Variants in GRIN2A observed in about 807,000 individuals in gnomAD.
The protein encoded by GRIN2A is glutamate receptor ionotropic, NMDA 2A.
A neutral mutation model predicts 113.4 loss-of-function variants in GRIN2A; 22 were observed. The ratio of observed to expected loss-of-function variants is 0.19; its 90% CI spans 0.14 to 0.28. The LOEUF (loss-of-function observed/expected upper bound fraction) is 0.28, where lower values mean the gene tolerates loss of function less well. GRIN2A is among the 10% of genes least tolerant of loss of function. The pLI is 1.00. For missense variants in GRIN2A, 1,502 were observed against 1,887.0 expected, an observed-to-expected ratio of 0.80 and a Z score of 3.78; for synonymous variants, 827 against 738.4, an observed-to-expected ratio of 1.12 and a Z score of -1.94.
intron 2 of GRIN2A, among the ~76,000 whole-genome samples, chr16:10,052,273 C>A (rs2047372151): frequency 6.6e-6 from 1 of 152,256 alleles, no homozygotes; most frequent in African/African-American, 2.4e-5. Flanking sequence ...GAGCTGATCA[C>A]ATTTAATCTT....
chr16:9,949,834 TAAAC>T (rs755349655), intron 2 of GRIN2A, among the ~76,000 whole-genome samples: 5 of 151,844 alleles, frequency 3.3e-5, no homozygotes, highest in African/African-American at 1.2e-4. Flanking sequence ...ATTGAAGAAA[TAAAC>T]GAACATCCAG....
At chr16:10,005,554 C>T (rs946700123) in intron 2 of GRIN2A, among the ~76,000 whole-genome samples, 1 of 152,152 alleles carries the variant, frequency 6.6e-6, no homozygotes, top group Non-Finnish European at 1.5e-5. Flanking sequence ...GGGGTCCACG[C>T]CCTACCTGGA....
At position 9,760,374 on chromosome 16, in the gene GRIN2A, A is replaced by ATTTTTTTTTTTTTT. The variant is rs35189803; in HGVS notation, c.*2761_*2774dup. Reference sequence around the variant, plus strand: ...AAATTGACCATCTGATCAGTAGTTGATTTTTTTTTTTTTTTTTTTTTTTTG... The same window carrying ATTTTTTTTTTTTTT: ...AAATTGACCATCTGATCAGTAGTTGATTTTTTTTTTTTTTTTTTTTTTTTTTTTTTTTTTTTTTG... On this transcript the variant is annotated 3_prime_UTR_variant, in exon 13 of 13. Transcript: ENST00000330684. 1.4e-4 allele frequency: 13 copies of ATTTTTTTTTTTTTT among 94,062 alleles called. 1 individual carries two copies. Among genetic ancestry groups the ATTTTTTTTTTTTTT allele is most frequent in the Admixed American group, 3.7e-4 (2 of 5,400 alleles). 5.8% of individuals were successfully genotyped at this position (94,062 alleles called of 1,614,324 possible).
At chr16:9,981,856 T>C (rs1372922316) in intron 2 of GRIN2A, among the ~76,000 whole-genome samples, 1 of 152,168 alleles carries the variant, frequency 6.6e-6, no homozygotes, top group Non-Finnish European at 1.5e-5. Context: ...GTGTGATCTC[T>C]GCTCACTGCA....
intron 2 of GRIN2A, among the ~76,000 whole-genome samples, chr16:10,118,977 C>T (rs1368199655): frequency 6.6e-6 from 1 of 152,144 alleles, no homozygotes; most frequent in Non-Finnish European, 1.5e-5. Context: ...AAAGAAAAGA[C>T]AGTGAGATTT....
chr16:10,144,345 C>A (rs1396901620), intron 2 of GRIN2A, among the ~76,000 whole-genome samples: 1 of 152,164 alleles, frequency 6.6e-6, no homozygotes, highest in African/African-American at 2.4e-5. Flanking sequence ...TAATAGCCAT[C>A]CTAACAGGTG....
intron 3 of GRIN2A, among the ~76,000 whole-genome samples, chr16:9,897,404 T>C (rs2043827969): frequency 1.3e-5 from 2 of 152,066 alleles, no homozygotes; most frequent in Admixed American, 1.3e-4. Context: ...ATATTTCCTA[T>C]ATTTCCTATA....
At chr16:10,144,053 C>T (rs1000660168) in intron 2 of GRIN2A, among the ~76,000 whole-genome samples, 1 of 152,026 alleles carries the variant, frequency 6.6e-6, no homozygotes, top group Non-Finnish European at 1.5e-5. Context: ...CATGAGGGTA[C>T]AGATATTTCT....
At chr16:9,908,562 C>T (rs9938172) in intron 3 of GRIN2A, among the ~76,000 whole-genome samples, 59,076 of 151,604 alleles carry the variant, frequency 0.39, 12,416 homozygotes, top group African/African-American at 0.52. Flanking sequence ...GAAGAGAAGT[C>T]AAAGAGAAGA....
At chr16:9,962,049 G>A (rs1221015489) in intron 2 of GRIN2A, among the ~76,000 whole-genome samples, 1 of 152,168 alleles carries the variant, frequency 6.6e-6, no homozygotes, top group African/African-American at 2.4e-5. Flanking sequence ...TGGGAAAACT[G>A]CCTAGCCATA....
chr16:9,837,019 G>T (rs912334821), intron 7 of GRIN2A, among the ~76,000 whole-genome samples: 6 of 152,206 alleles, frequency 3.9e-5, no homozygotes, highest in Admixed American at 3.3e-4. Context: ...GGCATTACCT[G>T]CAAGTGCTTC....
chr16:10,142,456 G>A (rs2049346543), intron 2 of GRIN2A, among the ~76,000 whole-genome samples: 1 of 152,204 alleles, frequency 6.6e-6, no homozygotes. Flanking sequence ...CAACACTTTG[G>A]GAGGTCAAGG....
chr16:10,093,867 A>G (rs1015952354), intron 2 of GRIN2A, among the ~76,000 whole-genome samples: 6 of 152,182 alleles, frequency 3.9e-5, no homozygotes, highest in African/African-American at 1.4e-4. Context: ...ACCGTAGGGA[A>G]GAGATTGTCT....
chr16:9,974,057 T>C (rs920116569), intron 2 of GRIN2A, among the ~76,000 whole-genome samples: 3 of 152,214 alleles, frequency 2.0e-5, no homozygotes, highest in African/African-American at 4.8e-5. Flanking sequence ...TACATATGCA[T>C]GTGACTATTT....
chr16:10,125,952 G>A (rs1048159883), intron 2 of GRIN2A, among the ~76,000 whole-genome samples: 63 of 152,202 alleles, frequency 4.1e-4, no homozygotes, highest in African/African-American at 1.3e-3. Flanking sequence ...TGGGGGCCAG[G>A]AGGTGGGAGA....
At chr16:9,939,899 G>C (rs2044821194) in intron 2 of GRIN2A, among the ~76,000 whole-genome samples, 1 of 152,044 alleles carries the variant, frequency 6.6e-6, no homozygotes, top group Non-Finnish European at 1.5e-5. Flanking sequence ...TTCTTTCAGG[G>C]AACTGAAAGA....
chr16:9,956,584 G>C (rs1259841629), intron 2 of GRIN2A, among the ~76,000 whole-genome samples: 1 of 152,256 alleles, frequency 6.6e-6, no homozygotes, highest in East Asian at 1.9e-4. Flanking sequence ...TGAAGGCTGA[G>C]AATCCAGTAG....
At chr16:10,020,772 A>G (rs2046705246) in intron 2 of GRIN2A, among the ~76,000 whole-genome samples, 1 of 152,212 alleles carries the variant, frequency 6.6e-6, no homozygotes, top group Non-Finnish European at 1.5e-5. Context: ...TAAGAGCTCA[A>G]TAAAAAGCAT....
At chr16:10,154,063 A>G (rs1223087269) in intron 2 of GRIN2A, among the ~76,000 whole-genome samples, 1 of 152,132 alleles carries the variant, frequency 6.6e-6, no homozygotes, top group African/African-American at 2.4e-5. Context: ...CTCTCGTTCC[A>G]GGCACATGGC....
Sources: gnomAD v4.1 joint callset for allele counts (sites outside exome capture counted in the v4.1 genomes callset) on GRCh38, gnomAD v4.1.1 for gene constraint, MANE v1.5 for transcripts, NCBI Gene and HGNC (gene_info 2026-07-23, HGNC 2026-07-21) for gene names.